PCDHGA7: variants seen among roughly 807,000 people sequenced by gnomAD.
PCDHGA7 encodes protocadherin gamma subfamily A, 7.
A neutral mutation model predicts 58.3 loss-of-function variants in PCDHGA7; 44 were observed. The ratio of observed to expected loss-of-function variants is 0.75; its 90% CI spans 0.59 to 0.97. The LOEUF (loss-of-function observed/expected upper bound fraction) is 0.97, where lower values mean the gene tolerates loss of function less well. Among genes scored for constraint, PCDHGA7 ranks in the 50% least tolerant of loss-of-function variants. The probability of loss-of-function intolerance (pLI) is 0.00; values close to 1 mark genes in which losing one functional copy is unlikely to be tolerated. For synonymous variants in PCDHGA7, 516 were observed against 504.2 expected (o/e 1.02, Z -0.31); for missense variants, 1,266 against 1,188.7 (o/e 1.06, Z -0.96).
At chr5:141,427,132 G>A (rs755992698) in intron 1 of PCDHGA7, 1 of 457,106 alleles carries the variant, frequency 2.2e-6, no homozygotes, top group South Asian at 1.5e-5. Flanking sequence ...AAATCCCTAC[G>A]AGATGATATT....
rs2095194600 is a variant in PCDHGA7 at position 141,408,919 on chromosome 5, C to T, written c.2424+23596C>T. On this transcript the variant is annotated intron_variant, in intron 1 of 3. Transcript: ENST00000518325. The stretch of plus-strand genomic sequence containing the variant: ...CTGTCAAGGATACCAATGATAACCC[C>T]CCGGTTTTCAGCAGAGACGAATATA... 2.5e-6 allele frequency: 4 copies of T among 1,613,346 alleles called. No individual in the cohort carries two copies. The African/African-American group carries it at 4.0e-5, about 16-fold the overall frequency.
chr5:141,402,871 A>G, intron 1 of PCDHGA7: 1 of 1,452,626 alleles, frequency 6.9e-7, no homozygotes, highest in Non-Finnish European at 9.1e-7. Context: ...AAAGATCACC[A>G]TACTTTGCAG....
rs532318617 is a variant in PCDHGA7, at chr5:141,384,539, C to T, written c.1640C>T (p.Ser547Leu). Residue 547 changes from serine (S) to leucine (L), a missense_variant, in exon 1 of 4, where the codon TCA (serine) becomes TTA (leucine). Physicochemically the swap from Ser to Leu is moderately radical, Grantham distance 145 (BLOSUM62 -2). Coordinates refer to ENST00000518325, the MANE Select transcript of PCDHGA7 (RefSeq NM_018920.4). ...GACCCGCCTCTCAGCAGCAACATGT[C>T]ACTGAGCCTGTTCGTGCTGGACCAG... ...SGDPPLSSNM[S>L]LSLFVLDQND... 44 of 1,614,240 alleles carry T rather than the reference C, an allele frequency of 2.7e-5. No homozygotes were observed. The South Asian group carries it at 4.1e-4, about 15-fold the overall frequency.
chr5:141,492,787 G>A (rs1308203463), intron 1 of PCDHGA7, among the ~76,000 whole-genome samples: 2 of 152,254 alleles, frequency 1.3e-5, no homozygotes, highest in Admixed American at 6.5e-5. Context: ...AGCCTCTATA[G>A]GACAGCAGGA....
At chr5:141,408,428 A>C (rs1397543407) in intron 1 of PCDHGA7, 1 of 1,614,076 alleles carries the variant, frequency 6.2e-7, no homozygotes, top group South Asian at 1.1e-5. Flanking sequence ...GCTGCACTTC[A>C]GCGTAGACGC....
intron 1 of PCDHGA7, chr5:141,409,182 T>C: frequency 6.2e-7 from 1 of 1,614,006 alleles, no homozygotes; most frequent in East Asian, 2.2e-5. Context: ...GGAGGTGGTC[T>C]CTCTACCCAG....
chr5:141,382,795 T>A lies in PCDHGA7; in HGVS notation c.-105T>A. ...CACTAAACTCAAGCCTCTATCCTGC[T>A]GGATTCTGAGCTCCCCTTCCTAAGA... is the stretch of plus-strand genomic sequence containing the variant. On this transcript the variant is annotated 5_prime_UTR_variant, in exon 1 of 4. Coordinates refer to ENST00000518325, the MANE Select transcript of PCDHGA7 (RefSeq NM_018920.4). 1.0e-6 allele frequency: 1 copy of A among 982,614 alleles called. No individual in the cohort carries two copies. The highest frequency in any genetic ancestry group is 1.5e-6 in the Non-Finnish European group (1 of 659,240). The allele number at this position is 982,614 out of a possible 1,614,324, so 60.9% of individuals were successfully genotyped here.
At chr5:141,428,455 T>C (rs898393760) in intron 1 of PCDHGA7, 61 of 361,572 alleles carry the variant, frequency 1.7e-4, no homozygotes, top group African/African-American at 1.2e-3. Context: ...TTTTCCCAAC[T>C]ACAATGAGGG....
chr5:141,472,009 G>A (rs917861040), intron 1 of PCDHGA7, among the ~76,000 whole-genome samples: 11 of 152,074 alleles, frequency 7.2e-5, no homozygotes, highest in African/African-American at 2.7e-4. Flanking sequence ...TCGTATAGGG[G>A]CACTATATTG....
intron 1 of PCDHGA7, among the ~76,000 whole-genome samples, chr5:141,438,623 TATATATATATATACACACAC>T (rs1272037524): frequency 7.0e-5 from 3 of 42,840 alleles, no homozygotes; most frequent in African/African-American, 1.6e-4. Flanking sequence ...TATATATATA[TATATATATATATACACACAC>T]ACACACACAT....
At chr5:141,428,098 A>G in intron 1 of PCDHGA7, 1 of 1,608,664 alleles carries the variant, frequency 6.2e-7, no homozygotes, top group Non-Finnish European at 8.5e-7. Flanking sequence ...CTGTCCTACC[A>G]CGTGCTGCAG....
Position 141,491,743 on chromosome 5 carries a change from A to G in PCDHGA7, c.2425-3064A>G, listed in dbSNP as rs752434173. ...GCCCCGGGCGACCCCTGGGGGCGGC[A>G]CTGGAGAAGCCGCCCGTCCTCATAA... On this transcript the variant is annotated intron_variant, in intron 1 of 3. Transcript: ENST00000518325. The surrounding 1 kb of genome is among the most constrained non-coding windows in gnomAD (Gnocchi z 6.9). 5.0e-6 allele frequency: 8 copies of G among 1,595,570 alleles called. No individual in the cohort carries two copies. In the Admixed American group the frequency reaches 1.4e-4, roughly 28 times the overall value.
rs771759945 is a variant in PCDHGA7, at chr5:141,405,371, G to A, written c.2424+20048G>A. 49 of 1,598,874 alleles carry A rather than the reference G, an allele frequency of 3.1e-5. No individual in the cohort carries two copies. The highest frequency in any genetic ancestry group is 3.7e-5 in the Non-Finnish European group (43 of 1,176,096). ...GTTTCCTATAGAAGACACCCCTTTG[G>A]TTCCGGTGAGTTCATTTTTTTTCTT... On this transcript the variant is annotated intron_variant, in intron 1 of 3. Transcript: ENST00000518325.
At chr5:141,495,960 C>G (rs1380397345) in intron 2 of PCDHGA7, among the ~76,000 whole-genome samples, 2 of 151,998 alleles carry the variant, frequency 1.3e-5, no homozygotes, top group East Asian at 3.9e-4. Context: ...CTTTTTCTGC[C>G]TCTTTCTCTG....
intron 1 of PCDHGA7, among the ~76,000 whole-genome samples, chr5:141,438,591 C>CATACAT (rs1228520343): frequency 1.3e-5 from 1 of 75,562 alleles, no homozygotes; most frequent in Non-Finnish European, 2.7e-5. Flanking sequence ...TACATACATA[C>CATACAT]ATATATATAT....
intron 1 of PCDHGA7, among the ~76,000 whole-genome samples, chr5:141,459,660 T>C (rs73280323): frequency 7.9e-4 from 120 of 152,386 alleles, no homozygotes; most frequent in African/African-American, 2.7e-3. Flanking sequence ...AATATCACTT[T>C]ACATTTTCAT....
chr5:141,494,671 C>T, intron 1 of PCDHGA7, 136 bp from the exon 2 acceptor site: 1 of 1,532,340 alleles, frequency 6.5e-7, no homozygotes, highest in East Asian at 2.4e-5. Context: ...GAGATGAGTC[C>T]ACCCCTGCCC....
intron 1 of PCDHGA7, chr5:141,430,643 T>C (rs1432236231): frequency 2.1e-6 from 2 of 947,068 alleles, no homozygotes; most frequent in Non-Finnish European, 3.0e-6. Context: ...CCTGGGAGTA[T>C]GTGGAAACAA....
chr5:141,485,632 G>T lies in PCDHGA7; in HGVS notation c.2425-9175G>T. The T allele has an allele frequency of 6.2e-7, 1 of 1,611,766 alleles. No homozygotes were observed. Among genetic ancestry groups the T allele is most frequent in the Non-Finnish European group, 8.5e-7 (1 of 1,178,342 alleles). The stretch of plus-strand genomic sequence containing the variant: ...CAGCTCCTCCAGGACAGCGTTTCCC[G>T]TTGGAAAAGGCTCAGGATGCAGATG... On this transcript the variant is annotated intron_variant, in intron 1 of 3. Coordinates refer to ENST00000518325, the MANE Select transcript of PCDHGA7 (RefSeq NM_018920.4). This position sits in a 1 kb window ranked among gnomAD's most constrained non-coding sequence, Gnocchi z 5.7.
Sources: gnomAD v4.1 joint callset for allele counts (sites outside exome capture counted in the v4.1 genomes callset) on GRCh38, gnomAD v4.1.1 for gene constraint, Gnocchi (gnomAD v3.1) non-coding constraint, MANE v1.5 for transcripts, NCBI Gene and HGNC (gene_info 2026-07-23, HGNC 2026-07-21) for gene names.